HSP90AB1: variants seen among roughly 807,000 people sequenced by gnomAD.
The protein encoded by HSP90AB1 is heat shock protein HSP 90-beta.
Under a neutral mutation model 67.8 loss-of-function variants are expected in HSP90AB1, and 17 were observed. The ratio of observed to expected loss-of-function variants is 0.25; its 90% CI spans 0.17 to 0.38. HSP90AB1 has a LOEUF of 0.38. Among genes scored for constraint, HSP90AB1 ranks in the 10% least tolerant of loss-of-function variants. The probability of loss-of-function intolerance (pLI) is 1.00; values close to 1 mark genes in which losing one functional copy is unlikely to be tolerated. For missense variants in HSP90AB1, 690 were observed against 899.9 expected, an observed-to-expected ratio of 0.77 and a Z score of 2.98; for synonymous variants, 390 against 312.9, an observed-to-expected ratio of 1.25 and a Z score of -2.60.
In HSP90AB1 at chr6:44,253,353, C is replaced by G. The variant is rs1780965212; in HGVS notation, c.2040C>G (p.Ile680Met). 1 of 1,614,202 alleles carries G rather than the reference C, an allele frequency of 6.2e-7. No homozygotes were observed. Among genetic ancestry groups the G allele is most frequent in the Non-Finnish European group, 8.5e-7 (1 of 1,180,022 alleles). The change falls in exon 11 of 12, where the codon ATC becomes ATG. Residue 680 changes from isoleucine (I) to methionine (M), a missense_variant. By Grantham distance (10) the Ile-to-Met change is conservative. This residue lies in a region of HSP90AB1 where 120 missense variants were observed against 153.5 expected (regional missense o/e 0.78). Transcript: ENST00000371646. The stretch of plus-strand genomic sequence containing the variant: ...ATCCCCAGACCCACTCCAACCGCAT[C>G]TATCGCATGATCAAGCTAGGTCTAG... Reference protein sequence around the residue: ...LEDPQTHSNRIYRMIKLGLGI... With the variant: ...LEDPQTHSNRMYRMIKLGLGI...
chr6:44,249,328 A>G, intron 2 of HSP90AB1, 49 bp from the exon 3 acceptor site: 2 of 1,468,178 alleles, frequency 1.4e-6, no homozygotes, highest in Non-Finnish European at 1.9e-6. Flanking sequence ...CAACAGAGCA[A>G]GAGTCTGTCT....
At position 44,251,893 on chromosome 6, in the gene HSP90AB1, A is replaced by ACT; in HGVS notation, c.1462+12_1462+13dup. Reference sequence around the variant, plus strand: ...CATCTATTACATCACTGGTGCGTTGACTCTGATTGAAGCCTTTTTGGAGGA... The same window carrying ACT: ...CATCTATTACATCACTGGTGCGTTGACTCTCTGATTGAAGCCTTTTTGGAGGA... On this transcript the variant is annotated intron_variant, in intron 9 of 11. Transcript: ENST00000371646. 6.2e-7 allele frequency: 1 copy of ACT among 1,613,158 alleles called. No individual in the cohort carries two copies.
rs143211110 is a variant in HSP90AB1 at position 44,249,226 on chromosome 6, T to C, written c.148-151T>C. On this transcript the variant is annotated intron_variant, in intron 2 of 11. Coordinates refer to ENST00000371646, the MANE Select transcript of HSP90AB1 (RefSeq NM_007355.4). ...GGTGGCATGTGCCTGTAGTCCCAGC[T>C]ACTTGGGAAGCTGGGGTTGGGAGGA... The C allele has an allele frequency of 1.3e-4, 87 of 646,054 alleles. No individual in the cohort carries two copies. In the East Asian group the frequency reaches 2.3e-3, roughly 17 times the overall value. The allele number at this position is 646,054 out of a possible 1,614,324, so 40.0% of individuals were successfully genotyped here.
upstream of HSP90AB1, among the ~76,000 whole-genome samples, chr6:44,246,860 C>T (rs562761871): frequency 2.0e-5 from 3 of 152,326 alleles, no homozygotes; most frequent in East Asian, 3.9e-4. Context: ...CATCCCCGCT[C>T]TTGATGGAGT....
chr6:44,252,363 T>C, intron 10 of HSP90AB1, 96 bp downstream of exon 10: 1 of 1,133,128 alleles, frequency 8.8e-7, no homozygotes. Context: ...TGAGGCAGCC[T>C]ATTTACTGTT....
Position 44,249,374 on chromosome 6 carries a change from C to T in HSP90AB1, c.148-3C>T, listed in dbSNP as rs766692041. On this transcript the variant is annotated splice_polypyrimidine_tract_variant and splice_region_variant and intron_variant, in intron 2 of 11. Transcript: ENST00000371646. ...AAAAGTAAGTTGCTGTTTGTATTTC[C>T]AGGCCTTGGACAAGATTCGCTATGA... 5.6e-6 allele frequency: 9 copies of T among 1,612,754 alleles called. No homozygotes were observed. The highest frequency in any genetic ancestry group is 7.6e-6 in the Non-Finnish European group (9 of 1,178,854).
Position 44,250,021 on chromosome 6 carries a change from G to T in HSP90AB1, c.515G>T (p.Gly172Val), listed in dbSNP as rs1444378512. The T allele has an allele frequency of 1.2e-6, 2 of 1,613,948 alleles. No individual in the cohort carries two copies. The highest frequency in any genetic ancestry group is 8.5e-7 in the Non-Finnish European group (1 of 1,179,964). Residue 172 changes from glycine to valine, a missense_variant and splice_region_variant, in exon 5 of 12, where the codon GGT (glycine) becomes GTT (valine). This residue lies in a region of HSP90AB1 where 146 missense variants were observed against 143.7 expected (regional missense o/e 1.02). Coordinates refer to ENST00000371646, the MANE Select transcript of HSP90AB1 (RefSeq NM_007355.4). ...ACACGCTTGTAATTGACTCTTCTAG[G>T]TGAGCCCATTGGCAGGGGTACCAAA... ...GGSFTVRADH[G>V]EPIGRGTKVI...
In HSP90AB1 at chr6:44,251,597, A is replaced by C; in HGVS notation, c.1303A>C (p.Lys435Gln). 2 of 1,602,586 alleles carry C rather than the reference A, an allele frequency of 1.2e-6. No homozygotes were observed. The highest frequency in any genetic ancestry group is 1.7e-6 in the Non-Finnish European group (2 of 1,172,832). The change falls in exon 8 of 12, where the codon AAA (lysine) becomes CAA (glutamine). Residue 435 changes from lysine (K) to glutamine (Q), a missense_variant. Physicochemically the swap from Lys to Gln is moderately conservative, Grantham distance 53 (BLOSUM62 1). Around this residue, in one of 7 missense-constraint regions of HSP90AB1, gnomAD observed 206 missense variants for 221.4 expected, o/e 0.93. Coordinates refer to ENST00000371646, the MANE Select transcript of HSP90AB1 (RefSeq NM_007355.4). ...CAAGAAATTCTATGAGGCATTCTCT[A>C]AAAATCTCAAGGTAAAAAGGCAAAT... ...NYKKFYEAFSKNLKLGIHEDS... is the reference protein window; with the variant it reads ...NYKKFYEAFSQNLKLGIHEDS...
rs542551388 is a variant in HSP90AB1 at position 44,250,014 on chromosome 6, C to G, written c.515-7C>G. On this transcript the variant is annotated splice_polypyrimidine_tract_variant and splice_region_variant and intron_variant, in intron 4 of 11. Coordinates refer to ENST00000371646, the MANE Select transcript of HSP90AB1 (RefSeq NM_007355.4). ...CCCTGTTACACGCTTGTAATTGACTCTTCTAGGTGAGCCCATTGGCAGGGG... is the reference window on the plus strand; with the variant it reads ...CCCTGTTACACGCTTGTAATTGACTGTTCTAGGTGAGCCCATTGGCAGGGG... 47 of 1,614,040 alleles carry G rather than the reference C, an allele frequency of 2.9e-5. 1 individual carries two copies. The South Asian group carries it at 4.6e-4, about 16-fold the overall frequency.
chr6:44,249,950 T>TA, intron 4 of HSP90AB1, 71 bp from the exon 5 acceptor site: 1 of 1,591,448 alleles, frequency 6.3e-7, no homozygotes, highest in African/African-American at 1.3e-5. Flanking sequence ...GTTCTGCTGA[T>TA]ACTTACTAAT....
chr6:44,252,007 A>C lies in HSP90AB1; in HGVS notation c.1471A>C (p.Lys491Gln). The C allele has an allele frequency of 6.2e-7, 1 of 1,614,218 alleles. No homozygotes were observed. Among genetic ancestry groups the C allele is most frequent in the East Asian group, 2.2e-5 (1 of 44,890 alleles). ...KSIYYITGESKEQVANSAFVE... is the reference protein window; with the variant it reads ...KSIYYITGESQEQVANSAFVE... ...ATTTAATTACCCTACAGGTGAGAGC[A>C]AAGAGCAGGTGGCCAACTCAGCTTT... is the stretch of plus-strand genomic sequence containing the variant. Residue 491 changes from lysine to glutamine, a missense_variant, in exon 10 of 12, where the codon AAA becomes CAA. Lys to Gln is a moderately conservative substitution (Grantham distance 53). Transcript: ENST00000371646.
chr6:44,249,138 C>T (rs567293735), intron 2 of HSP90AB1, among the ~76,000 whole-genome samples: 1 of 132,626 alleles, frequency 7.5e-6, no homozygotes, highest in Non-Finnish European at 1.7e-5. Context: ...CCTAGGATTT[C>T]GAGGGCAGCC....
rs1780379462 is a variant in HSP90AB1, at chr6:44,249,449, G to A, written c.220G>A (p.Asp74Asn). The change falls in exon 3 of 12, where the codon GAC (aspartate) becomes AAC (asparagine). Residue 74 changes from aspartate to asparagine, a missense_variant. Physicochemically the swap from Asp to Asn is conservative, Grantham distance 23. Transcript: ENST00000371646. ...KLDSGKELKI[D>N]IIPNPQERTL... The stretch of plus-strand genomic sequence containing the variant: ...GGACAGTGGTAAAGAGCTGAAAATT[G>A]ACATCATCCCCAACCCTCAGGAACG... The A allele has an allele frequency of 6.2e-7, 1 of 1,614,016 alleles. No individual in the cohort carries two copies. Among genetic ancestry groups the A allele is most frequent in the Non-Finnish European group, 8.5e-7 (1 of 1,179,928 alleles).
chr6:44,252,403 C>G, intron 10 of HSP90AB1, 136 bp downstream of exon 10: 1 of 777,364 alleles, frequency 1.3e-6, no homozygotes, highest in Non-Finnish European at 2.1e-6. Flanking sequence ...GTTCTCTTCT[C>G]TAGTCAGGTT....
At chr6:44,252,448 G>A (rs1013145327) in intron 10 of HSP90AB1, among the ~76,000 whole-genome samples, 181 bp downstream of exon 10, 2 of 152,034 alleles carry the variant, frequency 1.3e-5, no homozygotes, top group Non-Finnish European at 2.9e-5. Flanking sequence ...CACAGATTAG[G>A]CATTGCTTCA....
chr6:44,251,643 CTT>C (rs1308453826), intron 8 of HSP90AB1, 35 bp downstream of exon 8: 10 of 1,586,210 alleles, frequency 6.3e-6, no homozygotes, highest in Non-Finnish European at 8.6e-6. Context: ...CCCTTTACCA[CTT>C]TCTTAGTAAT....
chr6:44,246,850 C>A (rs913779596), upstream of HSP90AB1, among the ~76,000 whole-genome samples: 1 of 152,206 alleles, frequency 6.6e-6, no homozygotes, highest in East Asian at 1.9e-4. Flanking sequence ...GAGCACTCCT[C>A]ATCCCCGCTC....
chr6:44,249,977 A>G (rs1278052472), intron 4 of HSP90AB1, 44 bp from the exon 5 acceptor site: 1 of 1,611,926 alleles, frequency 6.2e-7, no homozygotes, highest in Admixed American at 1.7e-5. Context: ...TCTCAACTGC[A>G]TATACTTTTT....
chr6:44,248,065 T>G (rs1780170499), intron 1 of HSP90AB1: 1 of 152,412 alleles, frequency 6.6e-6, no homozygotes. Context: ...TTGTCCGGAT[T>G]TAATTGCTCC....
Sources: allele counts gnomAD v4.1 joint callset (sites outside exome capture counted in the v4.1 genomes callset), GRCh38; gene constraint gnomAD v4.1.1; regional missense constraint gnomAD v4.1.1; transcripts MANE v1.5; gene names NCBI Gene and HGNC (gene_info 2026-07-23, HGNC 2026-07-21).